COL4A3: variants seen among roughly 807,000 people sequenced by gnomAD.
COL4A3 encodes the protein collagen alpha-3(IV) chain.
In COL4A3, 135 loss-of-function variants were observed where a neutral mutation model predicts 217.4. The ratio of observed to expected loss-of-function variants is 0.62; its 90% confidence interval spans 0.54 to 0.72. The LOEUF is 0.72. COL4A3 is among the 30% of genes least tolerant of loss of function. The pLI is 0.00. For missense variants in COL4A3, 1,868 were observed against 2,119.9 expected, an observed-to-expected ratio of 0.88 and a Z score of 2.33; for synonymous variants, 690 against 736.3, an observed-to-expected ratio of 0.94 and a Z score of 1.02.
At position 227,164,846 on chromosome 2, in the gene COL4A3, A is replaced by C. The variant is rs1190975687; in HGVS notation, c.87+33A>C. On this transcript the variant is annotated intron_variant, in intron 1 of 51. Coordinates refer to ENST00000396578, the MANE Select transcript of COL4A3 (RefSeq NM_000091.5). This position sits in a 1 kb window ranked among gnomAD's most constrained non-coding sequence, Gnocchi z 4.8. ...GGGGCTGCGCGACCCCCACCCCCGCACTTCCATCCCTCCTCCACGCGTCCG... is the reference window on the plus strand; with the variant it reads ...GGGGCTGCGCGACCCCCACCCCCGCCCTTCCATCCCTCCTCCACGCGTCCG... 2 of 1,482,274 alleles carry C rather than the reference A, an allele frequency of 1.3e-6. No homozygotes were observed. The highest frequency in any genetic ancestry group is 1.5e-5 in the African/African-American group (1 of 68,074). 91.8% of individuals were successfully genotyped at this position (1,482,274 alleles called of 1,614,324 possible). A position where few individuals can be genotyped will look rare whatever the true frequency, so the allele number is the denominator to read the frequency against.
rs149139015 is a variant in COL4A3, at chr2:227,254,822, T to C, written c.888+107T>C. 1,067 of 826,986 alleles carry C rather than the reference T, an allele frequency of 1.3e-3. 10 individuals are homozygous for C. The African/African-American group carries it at 0.017, about 13-fold the overall frequency. The allele number at this position is 826,986 out of a possible 1,614,324, so 51.2% of individuals were successfully genotyped here. On this transcript the variant is annotated intron_variant, in intron 15 of 51. Transcript: ENST00000396578. ...AACTCAAACTAGCTCAAGCTAAAAATTTCTGTTCTTTAAGATTTGGGAGGC... is the reference window on the plus strand; with the variant it reads ...AACTCAAACTAGCTCAAGCTAAAAACTTCTGTTCTTTAAGATTTGGGAGGC...
intron 7 of COL4A3, among the ~76,000 whole-genome samples, chr2:227,247,301 C>A (rs1406127177): frequency 1.3e-5 from 2 of 152,006 alleles, no homozygotes; most frequent in East Asian, 1.9e-4. Context: ...AATTCCACGG[C>A]AGGATGGAGC....
intron 1 of COL4A3, among the ~76,000 whole-genome samples, chr2:227,214,096 T>C (rs1487072356): frequency 6.6e-6 from 1 of 152,110 alleles, no homozygotes; most frequent in African/African-American, 2.4e-5. Flanking sequence ...TCCACTTCAT[T>C]TTATCCTCCG....
At position 227,298,773 on chromosome 2, in the gene COL4A3, AC is replaced by A; in HGVS notation, c.3845del (p.Pro1282LeufsTer36). Reference sequence around the variant, plus strand: ...TGGGCCACCCTGGCCCAAAAGGTCCACCTGGAACTGCAGGAGACATGGGACC... The same window carrying A: ...TGGGCCACCCTGGCCCAAAAGGTCCACTGGAACTGCAGGAGACATGGGACC... Reference protein sequence around the residue: ...SMGHPGPKGPPGTAGDMGPPG... With the variant: ...SMGHPGPKGPXGTAGDMGPPG... On this transcript the variant is annotated frameshift_variant, in exon 43 of 52. Coordinates refer to ENST00000396578, the MANE Select transcript of COL4A3 (RefSeq NM_000091.5). LOFTEE classifies it high-confidence loss of function. 1 of 1,614,038 alleles carries A rather than the reference AC, an allele frequency of 6.2e-7. No homozygotes were observed. The highest frequency in any genetic ancestry group is 1.1e-5 in the South Asian group (1 of 91,078).
intron 31 of COL4A3, 22 bp downstream of exon 31, chr2:227,281,028 T>C: frequency 6.8e-7 from 1 of 1,475,866 alleles, no homozygotes; most frequent in South Asian, 1.2e-5. Context: ...GCCTCAAAAC[T>C]GGCCACCAGA....
At chr2:227,201,414 C>T (rs1244061028) in intron 1 of COL4A3, among the ~76,000 whole-genome samples, 1 of 152,202 alleles carries the variant, frequency 6.6e-6, no homozygotes, top group Non-Finnish European at 1.5e-5. Flanking sequence ...AAATTTGTCA[C>T]ATCCCAGGCT....
chr2:227,311,053 G>A, intron 51 of COL4A3, 105 bp downstream of exon 51: 1 of 1,204,408 alleles, frequency 8.3e-7, no homozygotes, highest in South Asian at 1.2e-5. Context: ...GTACTACTGT[G>A]CCAATAAAGA....
At chr2:227,303,248 C>T (rs1463091802) in intron 44 of COL4A3, 138 bp downstream of exon 44, 2 of 704,618 alleles carry the variant, frequency 2.8e-6, no homozygotes, top group Non-Finnish European at 5.1e-6. Flanking sequence ...AGTAGGAAGG[C>T]TCCACTACAC....
At position 227,243,792 on chromosome 2, in the gene COL4A3, C is replaced by T. The variant is rs114594603; in HGVS notation, c.235-528C>T. ...AAAGCAAGTTTATCTCTGGTTCAGGCAGTCCTTACTTGGCTATATATTTCC... is the reference window on the plus strand; with the variant it reads ...AAAGCAAGTTTATCTCTGGTTCAGGTAGTCCTTACTTGGCTATATATTTCC... On this transcript the variant is annotated intron_variant, in intron 3 of 51. Coordinates refer to ENST00000396578, the MANE Select transcript of COL4A3 (RefSeq NM_000091.5). 4.0e-3 allele frequency among the ~76,000 whole-genome samples: 609 copies of T among 152,302 alleles called. 1 individual carries two copies. The highest frequency in any genetic ancestry group is 6.7e-3 in the Non-Finnish European group (453 of 68,018).
intron 19 of COL4A3, 200 bp downstream of exon 19, chr2:227,260,077 T>C (rs781569156): frequency 4.1e-6 from 3 of 739,214 alleles, no homozygotes; most frequent in Non-Finnish European, 7.5e-6. Flanking sequence ...GGAAGGTAAT[T>C]AAATTATCTT....
chr2:227,234,667 AG>A (rs1237777414), intron 1 of COL4A3, among the ~76,000 whole-genome samples: 3 of 152,240 alleles, frequency 2.0e-5, no homozygotes, highest in Non-Finnish European at 4.4e-5. Context: ...AGAAAAAAAT[AG>A]GCATTGAATA....
chr2:227,203,117 A>G (rs1231227509), intron 1 of COL4A3, among the ~76,000 whole-genome samples: 1 of 62,640 alleles, frequency 1.6e-5, no homozygotes, highest in Non-Finnish European at 3.0e-5. Context: ...ATGTGTATAT[A>G]TGTGTATATA....
intron 16 of COL4A3, 50 bp from the exon 17 acceptor site, chr2:227,256,293 A>T (rs1193931814): frequency 1.3e-6 from 2 of 1,541,146 alleles, no homozygotes; most frequent in African/African-American, 1.4e-5. Flanking sequence ...CCCCCAGAAG[A>T]AGTTGGCTCC....
At position 227,303,098 on chromosome 2, in the gene COL4A3, C is replaced by T. The variant is rs760703010; in HGVS notation, c.3943C>T (p.Pro1315Ser). ...AGGTGATCCTGGATTCCAGGGGTTT[C>T]CAGGCGTGAAAGGTACTGTTTTTGT... is the stretch of plus-strand genomic sequence containing the variant. Reference protein sequence around the residue: ...PRGDPGFQGFPGVKGEKGNPG... With the variant: ...PRGDPGFQGFSGVKGEKGNPG... Residue 1315 changes from proline (P) to serine (S), a missense_variant, in exon 44 of 52, where the codon CCA becomes TCA. Pro to Ser is a moderately conservative substitution (Grantham distance 74). Coordinates refer to ENST00000396578, the MANE Select transcript of COL4A3 (RefSeq NM_000091.5). 21 of 1,613,720 alleles carry T rather than the reference C, an allele frequency of 1.3e-5. No individual in the cohort carries two copies. Among genetic ancestry groups the T allele is most frequent in the Non-Finnish European group, 1.6e-5 (19 of 1,179,814 alleles).
At chr2:227,226,041 A>G (rs2068072508) in intron 1 of COL4A3, among the ~76,000 whole-genome samples, 1 of 151,902 alleles carries the variant, frequency 6.6e-6, no homozygotes, top group East Asian at 1.9e-4. Flanking sequence ...TGGGCATTTT[A>G]CTTGCTTTAT....
intron 23 of COL4A3, among the ~76,000 whole-genome samples, chr2:227,267,841 T>C (rs565836900): frequency 6.6e-6 from 1 of 151,028 alleles, no homozygotes; most frequent in Admixed American, 6.6e-5. Context: ...GAGGCTTAAA[T>C]AAAGGATGAG....
intron 1 of COL4A3, among the ~76,000 whole-genome samples, chr2:227,219,535 G>T (rs772720758): frequency 7.9e-5 from 12 of 152,192 alleles, no homozygotes; most frequent in Non-Finnish European, 1.8e-4. Flanking sequence ...TGGATGAGAA[G>T]AAAAACTCAG....
intron 1 of COL4A3, among the ~76,000 whole-genome samples, chr2:227,176,320 T>C (rs2065671421): frequency 6.6e-6 from 1 of 152,220 alleles, no homozygotes; most frequent in Admixed American, 6.5e-5. Context: ...TATTTCCACA[T>C]ACCAGCGTCG....
rs1398876156 is a variant in COL4A3, at chr2:227,270,759, T to C, written c.1576-11T>C. 2 of 1,612,776 alleles carry C rather than the reference T, an allele frequency of 1.2e-6. No individual in the cohort carries two copies. The highest frequency in any genetic ancestry group is 1.7e-6 in the Non-Finnish European group (2 of 1,178,972). On this transcript the variant is annotated splice_polypyrimidine_tract_variant and intron_variant, in intron 24 of 51. Coordinates refer to ENST00000396578, the MANE Select transcript of COL4A3 (RefSeq NM_000091.5). Reference sequence around the variant, plus strand: ...AAAATACAATACAGATTCATTTGTGTACTACCCTAGGGTTTCCCAGGTGCC... The same window carrying C: ...AAAATACAATACAGATTCATTTGTGCACTACCCTAGGGTTTCCCAGGTGCC...
Sources: allele counts gnomAD v4.1 joint callset (sites outside exome capture counted in the v4.1 genomes callset), GRCh38; gene constraint gnomAD v4.1.1; non-coding constraint Gnocchi (gnomAD v3.1); transcripts MANE v1.5; gene names NCBI Gene and HGNC (gene_info 2026-07-23, HGNC 2026-07-21).